Variants in SGCZ observed in about 807,000 individuals in gnomAD.
SGCZ encodes zeta-sarcoglycan.
SGCZ carries 40 observed loss-of-function variants against 41.3 expected under a neutral mutation model. The observed-to-expected ratio is 0.97, with a 90% CI of 0.75 to 1.26. The LOEUF is 1.26. Ranked by LOEUF, SGCZ falls within the 50% of genes most tolerant of loss-of-function variation. SGCZ has a pLI of 0.00. For synonymous variants in SGCZ, 206 were observed against 137.5 expected, an observed-to-expected ratio of 1.50 and a Z score of -3.49; for missense variants, 552 against 369.8, an observed-to-expected ratio of 1.49 and a Z score of -4.04.
At chr8:14,190,921 T>A (rs56078739) in intron 4 of SGCZ, among the ~76,000 whole-genome samples, 2 of 152,052 alleles carry the variant, frequency 1.3e-5, no homozygotes, top group Non-Finnish European at 2.9e-5. Flanking sequence ...AAGAATATCC[T>A]TACTTGTTCC....
intron 1 of SGCZ, among the ~76,000 whole-genome samples, chr8:15,191,090 A>G (rs1225013720): frequency 6.6e-6 from 1 of 152,116 alleles, no homozygotes; most frequent in Non-Finnish European, 1.5e-5. Flanking sequence ...CAACAATAGT[A>G]ACTCTAATTT....
intron 1 of SGCZ, among the ~76,000 whole-genome samples, chr8:14,993,936 C>T (rs1407089424): frequency 6.6e-6 from 1 of 152,058 alleles, no homozygotes; most frequent in Admixed American, 6.6e-5. Flanking sequence ...AGCTGCTGTG[C>T]TGGGGCCAGA....
At chr8:14,422,824 T>C (rs1422800029) in intron 2 of SGCZ, among the ~76,000 whole-genome samples, 1 of 152,180 alleles carries the variant, frequency 6.6e-6, no homozygotes, top group Non-Finnish European at 1.5e-5. Flanking sequence ...CTCAGAAATC[T>C]GAGACCAGCC....
At chr8:14,262,862 G>T in intron 3 of SGCZ, among the ~76,000 whole-genome samples, 1 of 146,482 alleles carries the variant, frequency 6.8e-6, no homozygotes, top group Admixed American at 6.8e-5. Context: ...ATTAGAAAAA[G>T]CAAAATGTGA....
intron 2 of SGCZ, among the ~76,000 whole-genome samples, chr8:14,384,852 C>T (rs1305559988): frequency 1.3e-5 from 2 of 152,164 alleles, no homozygotes; most frequent in Non-Finnish European, 1.5e-5. Context: ...CACCCAGCCT[C>T]CTTGTATTAT....
chr8:14,198,615 A>G (rs1159117643), intron 4 of SGCZ, among the ~76,000 whole-genome samples: 7 of 152,190 alleles, frequency 4.6e-5, no homozygotes, highest in African/African-American at 1.7e-4. Flanking sequence ...AAAGAGGAAA[A>G]AAAGAACTGA....
At chr8:14,283,561 G>A (rs1170083466) in intron 3 of SGCZ, among the ~76,000 whole-genome samples, 4 of 152,132 alleles carry the variant, frequency 2.6e-5, no homozygotes, top group South Asian at 2.1e-4. Flanking sequence ...TACTTGGGGT[G>A]TACAGTGTTC....
rs184950744 is a variant in SGCZ, at chr8:14,431,628, C to G, written c.235-107424G>C. 2.9e-3 allele frequency among the ~76,000 whole-genome samples: 436 copies of G among 152,226 alleles called. 4 individuals are homozygous for G. Among genetic ancestry groups the G allele is most frequent in the African/African-American group, 9.7e-3 (403 of 41,544 alleles). On this transcript the variant is annotated intron_variant, in intron 2 of 7. Coordinates refer to ENST00000382080, the MANE Select transcript of SGCZ (RefSeq NM_139167.4). ...AAACTCTTCTTGACATTGGCTTAGG[C>G]AGGAATTTCATGACAAAGAACCCAA...
intron 1 of SGCZ, among the ~76,000 whole-genome samples, chr8:15,057,522 T>G (rs1326985934): frequency 1.3e-5 from 2 of 152,212 alleles, no homozygotes; most frequent in African/African-American, 4.8e-5. Context: ...ATATATATTA[T>G]TACATTATTC....
rs569789088 is a variant in SGCZ, at chr8:15,100,023, A to C, written c.39+137562T>G. The stretch of plus-strand genomic sequence containing the variant: ...ACTTTAATGTTCAAAAAAAGAGATA[A>C]TTTTTCCCAAAACAGTAACAAAACA... On this transcript the variant is annotated intron_variant, in intron 1 of 7. Coordinates refer to ENST00000382080, the MANE Select transcript of SGCZ (RefSeq NM_139167.4). Among the ~76,000 whole-genome samples the C allele has an allele frequency of 3.0e-4, 46 of 152,244 alleles. 2 individuals carry two copies. In the South Asian group the frequency reaches 9.3e-3, roughly 31 times the overall value.
intron 2 of SGCZ, among the ~76,000 whole-genome samples, chr8:14,439,262 T>A (rs1800176865): frequency 6.7e-6 from 1 of 150,090 alleles, no homozygotes; most frequent in Non-Finnish European, 1.5e-5. Context: ...TTTGGCTTGG[T>A]ATTGTTGCTA....
intron 1 of SGCZ, among the ~76,000 whole-genome samples, chr8:15,222,494 T>C (rs1801638178): frequency 6.6e-6 from 1 of 152,126 alleles, no homozygotes; most frequent in South Asian, 2.1e-4. Flanking sequence ...ATCTGATAAA[T>C]CAATTAGTGC....
At chr8:14,694,980 T>A (rs1449571164) in intron 1 of SGCZ, among the ~76,000 whole-genome samples, 1 of 152,176 alleles carries the variant, frequency 6.6e-6, no homozygotes, top group Admixed American at 6.5e-5. Flanking sequence ...TCAGGTGTCT[T>A]ATTATCCACA....
chr8:14,548,324 A>G (rs1458475635), intron 2 of SGCZ, among the ~76,000 whole-genome samples: 1 of 152,192 alleles, frequency 6.6e-6, no homozygotes, highest in Non-Finnish European at 1.5e-5. Context: ...AATTCTTGCA[A>G]TCAACACCAA....
chr8:14,680,444 G>C (rs1808405322), intron 1 of SGCZ, among the ~76,000 whole-genome samples: 4 of 152,074 alleles, frequency 2.6e-5, no homozygotes, highest in Admixed American at 2.6e-4. Context: ...TGTATGCATG[G>C]TGGCAATATA....
At chr8:14,592,489 T>C (rs906440579) in intron 1 of SGCZ, among the ~76,000 whole-genome samples, 2 of 152,134 alleles carry the variant, frequency 1.3e-5, no homozygotes, top group African/African-American at 2.4e-5. Flanking sequence ...ACAAAGTTTA[T>C]CTCTTCCAAG....
At chr8:15,001,602 A>G (rs1474466934) in intron 1 of SGCZ, among the ~76,000 whole-genome samples, 2 of 151,874 alleles carry the variant, frequency 1.3e-5, no homozygotes, top group Non-Finnish European at 2.9e-5. Context: ...GTTGGTGGGC[A>G]CCTGTAATTC....
chr8:15,082,474 A>G (rs1174198725), intron 1 of SGCZ, among the ~76,000 whole-genome samples: 1 of 151,880 alleles, frequency 6.6e-6, no homozygotes, highest in Non-Finnish European at 1.5e-5. Flanking sequence ...CTGTTAAGAG[A>G]GAGAAATGGG....
At chr8:14,119,463 T>C (rs1412642147) in intron 5 of SGCZ, among the ~76,000 whole-genome samples, 1 of 152,230 alleles carries the variant, frequency 6.6e-6, no homozygotes, top group East Asian at 1.9e-4. Flanking sequence ...GATTTTGGGC[T>C]CAGACAGTGG....
Sources: gnomAD v4.1 joint callset for allele counts (sites outside exome capture counted in the v4.1 genomes callset) on GRCh38, gnomAD v4.1.1 for gene constraint, MANE v1.5 for transcripts, NCBI Gene and HGNC (gene_info 2026-07-23, HGNC 2026-07-21) for gene names.